Variants in DIP2C observed in about 807,000 individuals in gnomAD.
DIP2C encodes the protein disco-interacting protein 2 homolog C.
In DIP2C, 33 loss-of-function variants were observed where a neutral mutation model predicts 192.4. That is an observed-to-expected ratio of 0.17 (90% confidence interval 0.13 to 0.23). The LOEUF (loss-of-function observed/expected upper bound fraction) is 0.23, where lower values mean the gene tolerates loss of function less well. Ranked by LOEUF, DIP2C falls within the 10% of genes least tolerant of loss-of-function variation. DIP2C has a pLI of 1.00. For synonymous variants in DIP2C, 979 were observed against 864.1 expected (o/e 1.13, Z -2.33); for missense variants, 1,537 against 2,110.1 (o/e 0.73, Z 5.32).
chr10:574,868 T>G (rs1453276725), intron 1 of DIP2C, among the ~76,000 whole-genome samples: 1 of 152,198 alleles, frequency 6.6e-6, no homozygotes, highest in Non-Finnish European at 1.5e-5. Flanking sequence ...GTGCAAAGCC[T>G]GCTGTTACAA....
intron 17 of DIP2C, among the ~76,000 whole-genome samples, chr10:376,140 G>A (rs1314399529): frequency 2.0e-5 from 3 of 152,214 alleles, no homozygotes; most frequent in African/African-American, 7.2e-5. Flanking sequence ...CTCTGACGTA[G>A]CTAACTGCTG....
At chr10:458,282 AGTT>A (rs1039388711) in intron 3 of DIP2C, among the ~76,000 whole-genome samples, 1 of 152,262 alleles carries the variant, frequency 6.6e-6, no homozygotes, top group African/African-American at 2.4e-5. Context: ...GAGAAAATTG[AGTT>A]GTTCAGAGAG....
chr10:569,146 T>C lies in DIP2C; in HGVS notation c.86-82616A>G, dbSNP rs142534944. Among the ~76,000 whole-genome samples the C allele has an allele frequency of 1.6e-4, 24 of 152,278 alleles. No individual in the cohort carries two copies. In the East Asian group the frequency reaches 4.4e-3, roughly 28 times the overall value. On this transcript the variant is annotated intron_variant, in intron 1 of 36. Coordinates refer to ENST00000280886, the MANE Select transcript of DIP2C (RefSeq NM_014974.3). ...AGGGAACCAGAAGTGATTTTTACAC[T>C]TCAAAGTTTTAACAAAAGAAAAAGA...
intron 1 of DIP2C, among the ~76,000 whole-genome samples, chr10:490,653 CATTT>C (rs1203257044): frequency 5.9e-5 from 9 of 152,158 alleles, no homozygotes; most frequent in African/African-American, 1.4e-4. Context: ...TCAAGGTACC[CATTT>C]ATTTAATTTC....
intron 18 of DIP2C, among the ~76,000 whole-genome samples, chr10:367,970 C>T (rs4995176): frequency 0.096 from 7,325 of 75,930 alleles, 455 homozygotes; most frequent in South Asian, 0.18. Flanking sequence ...CAGGTGCCTC[C>T]GACGGGGGCC....
At chr10:311,476 C>A in intron 31 of DIP2C, 1 of 1,217,856 alleles carries the variant, frequency 8.2e-7, no homozygotes. Flanking sequence ...CGGCTGGATG[C>A]GGGCAAGGCA....
Position 414,046 on chromosome 10 carries a change from C to T in DIP2C, c.924G>A (p.Glu308=). 1 of 1,614,008 alleles carries T rather than the reference C, an allele frequency of 6.2e-7. No homozygotes were observed. Residue 308 remains glutamate (E), a synonymous_variant, in exon 8 of 37, where the codon GAG becomes GAA. Coordinates refer to ENST00000280886, the MANE Select transcript of DIP2C (RefSeq NM_014974.3). ...GCCAGTTCGTGACCACGCCCAGCTG[C>T]TCTCCGCGCATGGCCAGCATCTGGG... ...EGAQMLAMRG[E]QLGVVTNWPP... is the part of the protein sequence containing the mutation.
At chr10:483,773 A>G (rs1170663231) in intron 2 of DIP2C, among the ~76,000 whole-genome samples, 1 of 152,084 alleles carries the variant, frequency 6.6e-6, no homozygotes, top group East Asian at 1.9e-4. Context: ...CTGAGACCCC[A>G]GTGGCCAACT....
At chr10:440,809 C>G in intron 4 of DIP2C, 62 bp downstream of exon 4, 1 of 1,547,262 alleles carries the variant, frequency 6.5e-7, no homozygotes, top group South Asian at 1.2e-5. Context: ...GATTGCTGGG[C>G]TAGGTCAATT....
chr10:288,850 A>G (rs1454222705), intron 32 of DIP2C, among the ~76,000 whole-genome samples: 1 of 152,228 alleles, frequency 6.6e-6, no homozygotes, highest in Non-Finnish European at 1.5e-5. Context: ...GAGCCCTCCC[A>G]AGACAGCGCG....
At position 341,134 on chromosome 10, in the gene DIP2C, G is replaced by T. The variant is rs2132558412; in HGVS notation, c.3584+65C>A. 5 of 1,608,468 alleles carry T rather than the reference G, an allele frequency of 3.1e-6. No individual in the cohort carries two copies. The East Asian group carries it at 1.1e-4, about 36-fold the overall frequency. ...GGCAGTGCTTAGGTTGCCTGGCTGGGTCTAAGGTCTGGAGAGGAAGGTGCA... is the reference window on the plus strand; with the variant it reads ...GGCAGTGCTTAGGTTGCCTGGCTGGTTCTAAGGTCTGGAGAGGAAGGTGCA... On this transcript the variant is annotated intron_variant, in intron 29 of 36. Coordinates refer to ENST00000280886, the MANE Select transcript of DIP2C (RefSeq NM_014974.3).
chr10:638,301 T>C (rs1854946699), intron 1 of DIP2C, among the ~76,000 whole-genome samples: 1 of 152,242 alleles, frequency 6.6e-6, no homozygotes, highest in South Asian at 2.1e-4. Context: ...AGTATGTGTT[T>C]GATGAATAAA....
chr10:651,555 T>G lies in DIP2C; in HGVS notation c.85+37939A>C, dbSNP rs1855906735. ...AAGCTTAACTTTGTTTCAGTGCCTTTCCAGTTAAATGTTGTTAAGCAGTAT... is the reference window on the plus strand; with the variant it reads ...AAGCTTAACTTTGTTTCAGTGCCTTGCCAGTTAAATGTTGTTAAGCAGTAT... On this transcript the variant is annotated intron_variant, in intron 1 of 36. Transcript: ENST00000280886. This position sits in a 1 kb window ranked among gnomAD's most constrained non-coding sequence, Gnocchi z 4.1. 4.6e-6 allele frequency: 2 copies of G among 431,850 alleles called. No homozygotes were observed. The highest frequency in any genetic ancestry group is 8.7e-6 in the Non-Finnish European group (2 of 229,874). 26.8% of individuals were successfully genotyped at this position (431,850 alleles called of 1,614,324 possible). A position where few individuals can be genotyped will look rare whatever the true frequency, so the allele number is the denominator to read the frequency against.
chr10:600,387 G>A (rs566197495), intron 1 of DIP2C, among the ~76,000 whole-genome samples: 1 of 149,500 alleles, frequency 6.7e-6, no homozygotes, highest in African/African-American at 2.5e-5. Context: ...CTGAATGTGG[G>A]AACATGGAGG....
intron 32 of DIP2C, among the ~76,000 whole-genome samples, chr10:307,064 C>G (rs1262218336): frequency 6.6e-6 from 1 of 152,196 alleles, no homozygotes; most frequent in East Asian, 1.9e-4. Flanking sequence ...CCTCCCACCA[C>G]GTGATCTCTG....
At chr10:557,565 T>C (rs1371750521) in intron 1 of DIP2C, among the ~76,000 whole-genome samples, 1 of 148,610 alleles carries the variant, frequency 6.7e-6, no homozygotes, top group Non-Finnish European at 1.5e-5. Flanking sequence ...CCCCCTTTTC[T>C]TCACAAAGTC....
At chr10:325,931 C>G (rs1239768179) in intron 31 of DIP2C, among the ~76,000 whole-genome samples, 1 of 152,074 alleles carries the variant, frequency 6.6e-6, no homozygotes, top group Admixed American at 6.6e-5. Context: ...TCTGTAATCC[C>G]AGCACTTTGG....
chr10:679,560 GCACCCATCCTCCCCCCA>G (rs1831050091), intron 1 of DIP2C, among the ~76,000 whole-genome samples: 2 of 22,682 alleles, frequency 8.8e-5, no homozygotes, highest in Non-Finnish European at 1.6e-4. Context: ...CATCCTCCCC[GCACCCATCCTCCCCCCA>G]CCCATGCTCC....
In DIP2C at chr10:497,394, C is replaced by T. The variant is rs567584515; in HGVS notation, c.86-10864G>A. 2.6e-5 allele frequency among the ~76,000 whole-genome samples: 4 copies of T among 152,286 alleles called. No individual in the cohort carries two copies. In the East Asian group the frequency reaches 7.7e-4, roughly 29 times the overall value. ...GGCAGGGGAAGGAATACAGGCTCTC[C>T]CCTCCCACACCCCTCATTACTTCCT... On this transcript the variant is annotated intron_variant, in intron 1 of 36. Transcript: ENST00000280886.
Sources: gnomAD v4.1 joint callset for allele counts (sites outside exome capture counted in the v4.1 genomes callset) on GRCh38, gnomAD v4.1.1 for gene constraint, Gnocchi (gnomAD v3.1) non-coding constraint, MANE v1.5 for transcripts, NCBI Gene and HGNC (gene_info 2026-07-23, HGNC 2026-07-21) for gene names.